Variants in CADPS2 observed in about 807,000 individuals in gnomAD.
CADPS2 encodes the protein calcium dependent secretion activator 2.
In CADPS2, 93 loss-of-function variants were observed where a neutral mutation model predicts 172.5. The ratio of observed to expected loss-of-function variants is 0.54; its 90% CI spans 0.46 to 0.64. The LOEUF is 0.64. Among genes scored for constraint, CADPS2 ranks in the 30% least tolerant of loss-of-function variants. The pLI is 0.00. For synonymous variants in CADPS2, 546 were observed against 555.2 expected, an observed-to-expected ratio of 0.98 and a Z score of 0.23; for missense variants, 1,420 against 1,565.9, an observed-to-expected ratio of 0.91 and a Z score of 1.57.
intron 6 of CADPS2, among the ~76,000 whole-genome samples, chr7:122,607,584 G>A (rs1159722657): frequency 1.3e-5 from 2 of 152,126 alleles, no homozygotes; most frequent in Admixed American, 1.3e-4. Context: ...ATTTTCTCAT[G>A]CTGTTTTTCA....
intron 1 of CADPS2, among the ~76,000 whole-genome samples, chr7:122,858,757 C>T (rs1816055456): frequency 6.6e-6 from 1 of 152,106 alleles, no homozygotes; most frequent in Non-Finnish European, 1.5e-5. Flanking sequence ...TGTGTGGCCA[C>T]TGGACATCAA....
At chr7:122,801,257 G>A (rs1797585794) in intron 1 of CADPS2, among the ~76,000 whole-genome samples, 2 of 151,996 alleles carry the variant, frequency 1.3e-5, no homozygotes, top group Admixed American at 6.6e-5. Context: ...AGCACCAAAA[G>A]CCAATGTACG....
At chr7:122,600,376 A>C (rs1036016121) in intron 6 of CADPS2, among the ~76,000 whole-genome samples, 2 of 152,114 alleles carry the variant, frequency 1.3e-5, no homozygotes, top group East Asian at 3.9e-4. Flanking sequence ...AAACTGAGCC[A>C]TGAAACAGTC....
intron 3 of CADPS2, among the ~76,000 whole-genome samples, chr7:122,641,885 G>T (rs1375866824): frequency 2.0e-5 from 3 of 151,516 alleles, no homozygotes; most frequent in African/African-American, 7.3e-5. Context: ...AGTAAAAATA[G>T]TAAGTAAAAC....
At chr7:122,765,364 G>A (rs1363761439) in intron 1 of CADPS2, among the ~76,000 whole-genome samples, 1 of 152,078 alleles carries the variant, frequency 6.6e-6, no homozygotes, top group Non-Finnish European at 1.5e-5. Context: ...AACACACTCT[G>A]GGAGCTGAGG....
intron 2 of CADPS2, among the ~76,000 whole-genome samples, chr7:122,733,326 A>G (rs937144650): frequency 6.6e-6 from 1 of 152,002 alleles, no homozygotes; most frequent in African/African-American, 2.4e-5. Flanking sequence ...TAGAGCAATA[A>G]GTACTGCAAT....
intron 4 of CADPS2, among the ~76,000 whole-genome samples, chr7:122,626,786 A>G (rs866152530): frequency 2.8e-4 from 42 of 152,192 alleles, no homozygotes; most frequent in African/African-American, 1.0e-3. Context: ...TAATTTGTGG[A>G]TAGAAAAAAT....
chr7:122,857,548 G>A (rs1815648962), intron 1 of CADPS2, among the ~76,000 whole-genome samples: 1 of 152,124 alleles, frequency 6.6e-6, no homozygotes, highest in Non-Finnish European at 1.5e-5. Flanking sequence ...AACCACCTGG[G>A]CATTTAGGCA....
In CADPS2 at chr7:122,417,242, T is replaced by C. The variant is rs577997615; in HGVS notation, c.2477-1078A>G. On this transcript the variant is annotated intron_variant, in intron 17 of 29. Coordinates refer to ENST00000449022, the MANE Select transcript of CADPS2 (RefSeq NM_017954.11). ...CTGCTTATGATCGGTGCTCATTCAT[T>C]AAATATTCATTATATACTCACTGTA... is the stretch of plus-strand genomic sequence containing the variant. Among the ~76,000 whole-genome samples the C allele has an allele frequency of 6.6e-5, 10 of 152,306 alleles. No individual in the cohort carries two copies. The East Asian group carries it at 1.4e-3, about 21-fold the overall frequency.
At chr7:122,526,365 G>C (rs536403846) in intron 8 of CADPS2, among the ~76,000 whole-genome samples, 2 of 151,674 alleles carry the variant, frequency 1.3e-5, no homozygotes, top group Non-Finnish European at 2.9e-5. Flanking sequence ...CTAATTTTTC[G>C]TATTTTTAGT....
At chr7:122,853,969 G>A (rs893128435) in intron 1 of CADPS2, among the ~76,000 whole-genome samples, 7 of 152,178 alleles carry the variant, frequency 4.6e-5, no homozygotes, top group Admixed American at 1.3e-4. Flanking sequence ...GAAAACGCCA[G>A]CCCTGTCCTT....
chr7:122,809,419 A>G (rs1258726736), intron 1 of CADPS2, among the ~76,000 whole-genome samples: 49 of 140,272 alleles, frequency 3.5e-4, no homozygotes, highest in Admixed American at 1.2e-3. Flanking sequence ...AAAAAAAAAA[A>G]GAAAAAAAAA....
intron 1 of CADPS2, among the ~76,000 whole-genome samples, chr7:122,781,890 A>G (rs2139412703): frequency 6.6e-6 from 1 of 152,292 alleles, no homozygotes; most frequent in African/African-American, 2.4e-5. Context: ...ATATGAAATA[A>G]AAAGGCTTTA....
intron 1 of CADPS2, among the ~76,000 whole-genome samples, chr7:122,814,956 T>C (rs1321158346): frequency 5.9e-5 from 9 of 152,122 alleles, no homozygotes; most frequent in Admixed American, 5.2e-4. Context: ...TATAACAAGC[T>C]GTGTGGAATT....
At chr7:122,458,006 T>G (rs1468430831) in intron 14 of CADPS2, among the ~76,000 whole-genome samples, 1 of 152,204 alleles carries the variant, frequency 6.6e-6, no homozygotes, top group Non-Finnish European at 1.5e-5. Flanking sequence ...TGGTGGTTTG[T>G]TGTAAAAGAT....
intron 8 of CADPS2, 94 bp from the exon 9 acceptor site, chr7:122,513,409 A>G (rs773070933): frequency 9.1e-5 from 93 of 1,024,198 alleles, no homozygotes; most frequent in Middle Eastern, 8.4e-4. Flanking sequence ...TATTTTTGAG[A>G]CCAGCCTGCT....
intron 1 of CADPS2, among the ~76,000 whole-genome samples, chr7:122,860,915 T>C (rs1400690189): frequency 2.0e-5 from 3 of 152,152 alleles, no homozygotes; most frequent in Non-Finnish European, 4.4e-5. Context: ...AGAATTTCAT[T>C]CTTTTTAATA....
intron 17 of CADPS2, chr7:122,427,049 G>GA (rs2049253873): frequency 6.6e-6 from 1 of 152,160 alleles, no homozygotes; most frequent in Non-Finnish European, 1.5e-5. Flanking sequence ...GAGCTGTTCA[G>GA]AGTGTTACAG....
intron 22 of CADPS2, among the ~76,000 whole-genome samples, chr7:122,390,298 T>C (rs1382805036): frequency 1.3e-5 from 2 of 152,050 alleles, no homozygotes; most frequent in Non-Finnish European, 2.9e-5. Context: ...CTACCTTTAT[T>C]TCTCCTTTTG....
Sources: gnomAD v4.1 joint callset for allele counts (sites outside exome capture counted in the v4.1 genomes callset) on GRCh38, gnomAD v4.1.1 for gene constraint, MANE v1.5 for transcripts, NCBI Gene and HGNC (gene_info 2026-07-23, HGNC 2026-07-21) for gene names.